RELB: variants seen among roughly 807,000 people sequenced by gnomAD.
The protein encoded by RELB is transcription factor RelB.
Under a neutral mutation model 55.4 loss-of-function variants are expected in RELB, and 14 were observed. The observed-to-expected ratio is 0.25, with a 90% CI of 0.17 to 0.40. RELB has a LOEUF of 0.40. Ranked by LOEUF, RELB falls within the 10% of genes least tolerant of loss-of-function variation. The pLI, the probability that RELB is intolerant of heterozygous loss-of-function variation, is 1.00. For synonymous variants in RELB, 409 were observed against 371.3 expected (o/e 1.10, Z -1.17); for missense variants, 669 against 830.7 (o/e 0.81, Z 2.39).
At chr19:45,036,647 C>T (rs1030101103) in intron 11 of RELB, among the ~76,000 whole-genome samples, 20 of 152,148 alleles carry the variant, frequency 1.3e-4, no homozygotes, top group Non-Finnish European at 2.9e-4. Context: ...CTGTGTGAGC[C>T]TTCCATTTAC....
chr19:45,007,198 C>T (rs894071235), intron 2 of RELB, among the ~76,000 whole-genome samples: 1 of 152,112 alleles, frequency 6.6e-6, no homozygotes, highest in Admixed American at 6.6e-5. Flanking sequence ...AGTCAATTTC[C>T]TGCTCTCACA....
At chr19:45,034,589 C>T in intron 11 of RELB, 61 bp downstream of exon 11, 1 of 1,450,256 alleles carries the variant, frequency 6.9e-7, no homozygotes, top group Non-Finnish European at 9.4e-7. Flanking sequence ...AGTGGCAGCC[C>T]TGCTTTTCTG....
chr19:45,002,904 T>A, intron 1 of RELB, 45 bp from the exon 2 acceptor site: 1 of 1,560,906 alleles, frequency 6.4e-7, no homozygotes, highest in Non-Finnish European at 8.8e-7. Context: ...TCTGGTCCTC[T>A]GGCTGCCCCC....
At chr19:45,033,563 T>C (rs1220190734) in intron 9 of RELB, among the ~76,000 whole-genome samples, 1 of 151,512 alleles carries the variant, frequency 6.6e-6, no homozygotes, top group Non-Finnish European at 1.5e-5. Context: ...TGGGCGCCTA[T>C]AGTCCCAGCT....
intron 4 of RELB, among the ~76,000 whole-genome samples, chr19:45,017,678 T>A (rs76922668): frequency 1.3e-5 from 2 of 150,030 alleles, no homozygotes; most frequent in Non-Finnish European, 3.0e-5. Context: ...TTTTTTTTTT[T>A]GAGACAGAGT....
At chr19:45,037,304 C>A in intron 11 of RELB, 101 bp from the exon 12 acceptor site, 1 of 1,284,346 alleles carries the variant, frequency 7.8e-7, no homozygotes, top group South Asian at 1.6e-5. Flanking sequence ...AAAAAGGCCA[C>A]CTTGATATCA....
At chr19:45,022,028 C>T (rs1336314848) in intron 4 of RELB, 25 bp from the exon 5 acceptor site, 2 of 1,591,854 alleles carry the variant, frequency 1.3e-6, no homozygotes, top group Admixed American at 1.7e-5. Context: ...GATGGGACCC[C>T]CAAAGAGGAC....
At chr19:45,021,914 G>T (rs369886295) in intron 4 of RELB, 139 bp from the exon 5 acceptor site, 2 of 811,602 alleles carry the variant, frequency 2.5e-6, no homozygotes, top group Admixed American at 3.2e-5. Context: ...CATCCTGGTC[G>T]CGGGAGAAGG....
At position 45,001,655 on chromosome 19, in the gene RELB, C is replaced by A; in HGVS notation, c.76C>A (p.Pro26Thr). 6.6e-7 allele frequency: 1 copy of A among 1,523,132 alleles called. No individual in the cohort carries two copies. Among genetic ancestry groups the A allele is most frequent in the Middle Eastern group, 2.0e-4 (1 of 4,974 alleles). 94.4% of individuals were successfully genotyped at this position (1,523,132 alleles called of 1,614,324 possible). A position where few individuals can be genotyped will look rare whatever the true frequency, so the allele number is the denominator to read the frequency against. The change falls in exon 1 of 12, where the codon CCG becomes ACG. Residue 26 changes from proline to threonine, a missense_variant. By Grantham distance (38) the Pro-to-Thr change is conservative. Coordinates refer to ENST00000221452, the MANE Select transcript of RELB (RefSeq NM_006509.4). The part of the protein sequence containing the change: ...RAMPSRRVAR[P>T]PAAPELGALG... ...CATGCCGAGTCGCCGCGTCGCCAGA[C>A]CGCCGGCTGCGCCGGAGCTGGGGGC...
In RELB at chr19:45,037,866, G is replaced by C; in HGVS notation, c.*76G>C. 1 of 1,383,448 alleles carries C rather than the reference G, an allele frequency of 7.2e-7. No individual in the cohort carries two copies. The allele number at this position is 1,383,448 out of a possible 1,614,324, so 85.7% of individuals were successfully genotyped here. ...CGTGCAATCCCAACCAGGATGTCTA[G>C]CACCCCCATCCCCTTGGCCCTTCCT... On this transcript the variant is annotated 3_prime_UTR_variant, in exon 12 of 12. Coordinates refer to ENST00000221452, the MANE Select transcript of RELB (RefSeq NM_006509.4).
intron 3 of RELB, among the ~76,000 whole-genome samples, chr19:45,010,399 G>A (rs1037758242): frequency 1.3e-5 from 2 of 149,672 alleles, no homozygotes; most frequent in African/African-American, 4.9e-5. Flanking sequence ...TGGGGATTTA[G>A]CCATGAACAA....
At chr19:45,022,327 T>C in intron 5 of RELB, 117 bp downstream of exon 5, 1 of 1,006,158 alleles carries the variant, frequency 9.9e-7, no homozygotes, top group Non-Finnish European at 1.4e-6. Context: ...CCCCACTGCC[T>C]CTTCTAGGTG....
chr19:45,037,869 C>A lies in RELB; in HGVS notation c.*79C>A, dbSNP rs540766850. 1.0e-5 allele frequency: 14 copies of A among 1,363,420 alleles called. No homozygotes were observed. The highest frequency in any genetic ancestry group is 1.4e-5 in the Non-Finnish European group (14 of 1,033,694). The allele number at this position is 1,363,420 out of a possible 1,614,324, so 84.5% of individuals were successfully genotyped here. ...GCAATCCCAACCAGGATGTCTAGCA[C>A]CCCCATCCCCTTGGCCCTTCCTCAT... is the stretch of plus-strand genomic sequence containing the variant. On this transcript the variant is annotated 3_prime_UTR_variant, in exon 12 of 12. Coordinates refer to ENST00000221452, the MANE Select transcript of RELB (RefSeq NM_006509.4).
chr19:45,037,528 C>T lies in RELB; in HGVS notation c.1478C>T (p.Pro493Leu). The stretch of plus-strand genomic sequence containing the variant: ...CTGGACGATGGCTTTGCCTACGACC[C>T]TACGGCCCCCACACTCTTCACCATG... ...DLLDDGFAYDPTAPTLFTMLD... is the reference protein window; with the variant it reads ...DLLDDGFAYDLTAPTLFTMLD... The change falls in exon 12 of 12, where the codon CCT becomes CTT. Residue 493 changes from proline to leucine, a missense_variant. Pro to Leu is a moderately conservative substitution (Grantham distance 98). Transcript: ENST00000221452. The T allele has an allele frequency of 6.2e-7, 1 of 1,613,432 alleles. No individual in the cohort carries two copies. The highest frequency in any genetic ancestry group is 8.5e-7 in the Non-Finnish European group (1 of 1,179,786).
At chr19:45,011,436 A>G (rs1971349419) in intron 3 of RELB, among the ~76,000 whole-genome samples, 1 of 152,178 alleles carries the variant, frequency 6.6e-6, no homozygotes, top group Admixed American at 6.6e-5. Context: ...TGCTGGGATT[A>G]CAGGCATGAG....
Position 45,028,637 on chromosome 19 carries a change from G to C in RELB, c.887-251G>C, listed in dbSNP as rs569004787. Among the ~76,000 whole-genome samples the C allele has an allele frequency of 4.1e-4, 62 of 152,212 alleles. 1 individual carries two copies. The South Asian group carries it at 0.012, about 30-fold the overall frequency. On this transcript the variant is annotated intron_variant, in intron 7 of 11. Transcript: ENST00000221452. The stretch of plus-strand genomic sequence containing the variant: ...GCGTGAGCCACCATGCCCGGCAAAA[G>C]ATCTTCGTTTTGGACAGACACTCAC...
At chr19:45,025,085 C>G (rs1971541073) in intron 5 of RELB, among the ~76,000 whole-genome samples, 1 of 151,728 alleles carries the variant, frequency 6.6e-6, no homozygotes, top group African/African-American at 2.4e-5. Flanking sequence ...TCTTGAACTA[C>G]TGACCTCAAG....
chr19:45,016,234 C>T (rs1324325108), intron 4 of RELB, among the ~76,000 whole-genome samples: 1 of 152,140 alleles, frequency 6.6e-6, no homozygotes, highest in South Asian at 2.1e-4. Context: ...ATCTGCCTGC[C>T]TCAGCCTCCC....
chr19:45,005,183 A>C (rs983148137), intron 2 of RELB, among the ~76,000 whole-genome samples: 2 of 152,088 alleles, frequency 1.3e-5, no homozygotes, highest in African/African-American at 4.8e-5. Flanking sequence ...AGGAAAAAAA[A>C]CAAAAAACCA....
Sources: gnomAD v4.1 joint callset for allele counts (sites outside exome capture counted in the v4.1 genomes callset) on GRCh38, gnomAD v4.1.1 for gene constraint, MANE v1.5 for transcripts, NCBI Gene and HGNC (gene_info 2026-07-23, HGNC 2026-07-21) for gene names.